Variants in TNR observed in about 807,000 individuals in gnomAD.
The protein encoded by TNR is tenascin-R.
Under a neutral mutation model 150.4 loss-of-function variants are expected in TNR, and 45 were observed. That is an observed-to-expected ratio of 0.30 (90% CI 0.24 to 0.38). The LOEUF is 0.38. TNR is among the 10% of genes least tolerant of loss of function. The probability of loss-of-function intolerance (pLI) is 1.00; values close to 1 mark genes in which losing one functional copy is unlikely to be tolerated. For missense variants in TNR, 1,544 were observed against 1,759.1 expected (o/e 0.88, Z 2.19); for synonymous variants, 687 against 678.4 (o/e 1.01, Z -0.20).
At chr1:175,531,662 G>A (rs1305479947) in intron 1 of TNR, among the ~76,000 whole-genome samples, 2 of 152,192 alleles carry the variant, frequency 1.3e-5, no homozygotes, top group African/African-American at 2.4e-5. Context: ...TTCTGTCCAC[G>A]CTGCAACCTA....
At chr1:175,652,575 T>G (rs1474798338) in intron 1 of TNR, among the ~76,000 whole-genome samples, 3 of 152,150 alleles carry the variant, frequency 2.0e-5, no homozygotes, top group Non-Finnish European at 4.4e-5. Flanking sequence ...ACTTCCCCCT[T>G]GCTGTTCTTG....
At chr1:175,353,624 G>A (rs1651168939) in intron 18 of TNR, among the ~76,000 whole-genome samples, 2 of 152,114 alleles carry the variant, frequency 1.3e-5, no homozygotes, top group South Asian at 4.1e-4. Flanking sequence ...AGGCCTTCCT[G>A]ACCAGTTGTT....
chr1:175,721,528 T>A (rs1252685692), intron 1 of TNR, among the ~76,000 whole-genome samples: 1 of 152,084 alleles, frequency 6.6e-6, no homozygotes, highest in Non-Finnish European at 1.5e-5. Context: ...CCTAACTGAC[T>A]CTCTTGAAAC....
intron 1 of TNR, among the ~76,000 whole-genome samples, chr1:175,699,240 GA>G (rs1327263495): frequency 6.6e-6 from 1 of 151,812 alleles, no homozygotes; most frequent in Non-Finnish European, 1.5e-5. Flanking sequence ...TTATGGAGAA[GA>G]AAAAAAATGG....
chr1:175,583,707 T>C (rs1185626113), intron 1 of TNR, among the ~76,000 whole-genome samples: 1 of 152,192 alleles, frequency 6.6e-6, no homozygotes, highest in Non-Finnish European at 1.5e-5. Flanking sequence ...CTTCCCCTCA[T>C]TCCTGTAGCA....
intron 21 of TNR, among the ~76,000 whole-genome samples, chr1:175,325,857 A>G (rs1342665149): frequency 2.8e-5 from 4 of 144,450 alleles, no homozygotes; most frequent in Admixed American, 2.1e-4. Flanking sequence ...ATCACACACC[A>G]GGGCCTGTTG....
chr1:175,409,350 A>C (rs543524834), intron 2 of TNR, among the ~76,000 whole-genome samples: 143 of 152,372 alleles, frequency 9.4e-4, no homozygotes, highest in Middle Eastern at 6.8e-3. Context: ...TAAGTGAATG[A>C]ATAAATGACA....
At chr1:175,695,953 G>GATGGATGC (rs1319183199) in intron 1 of TNR, among the ~76,000 whole-genome samples, 2 of 151,684 alleles carry the variant, frequency 1.3e-5, no homozygotes, top group African/African-American at 2.4e-5. Context: ...TGGATGGAAG[G>GATGGATGC]ATGGATGCAT....
At chr1:175,368,684 T>C (rs1651946968) in intron 9 of TNR, among the ~76,000 whole-genome samples, 1 of 152,236 alleles carries the variant, frequency 6.6e-6, no homozygotes, top group African/African-American at 2.4e-5. Flanking sequence ...GCACGGTGGC[T>C]CATGCCTGTA....
chr1:175,443,542 T>C (rs1011831300), intron 2 of TNR, among the ~76,000 whole-genome samples: 2 of 152,150 alleles, frequency 1.3e-5, no homozygotes, highest in East Asian at 1.9e-4. Context: ...TGAAGCAAGA[T>C]TGTAGTCTGG....
At chr1:175,628,585 G>A (rs967980376) in intron 1 of TNR, among the ~76,000 whole-genome samples, 1 of 151,898 alleles carries the variant, frequency 6.6e-6, no homozygotes, top group Non-Finnish European at 1.5e-5. Context: ...GCTCATATGA[G>A]CTCATTGGGT....
chr1:175,430,897 A>G (rs1655233901), intron 2 of TNR, among the ~76,000 whole-genome samples: 1 of 152,214 alleles, frequency 6.6e-6, no homozygotes, highest in Non-Finnish European at 1.5e-5. Flanking sequence ...GTAGTAAAAA[A>G]TATAATTTTC....
intron 2 of TNR, among the ~76,000 whole-genome samples, chr1:175,479,769 T>C (rs1571499173): frequency 6.6e-6 from 1 of 152,116 alleles, no homozygotes; most frequent in Non-Finnish European, 1.5e-5. Context: ...CCCTCTGATA[T>C]GCTTTGTGGC....
intron 1 of TNR, among the ~76,000 whole-genome samples, chr1:175,698,238 C>T (rs909002907): frequency 6.6e-6 from 1 of 152,128 alleles, no homozygotes; most frequent in African/African-American, 2.4e-5. Context: ...CACTCTGTGC[C>T]AAGTAAGGAG....
intron 1 of TNR, among the ~76,000 whole-genome samples, chr1:175,678,345 A>G (rs1012795615): frequency 3.3e-5 from 5 of 152,168 alleles, no homozygotes; most frequent in Admixed American, 1.3e-4. Context: ...CCCTGTACCC[A>G]CTGAATTCAC....
intron 2 of TNR, among the ~76,000 whole-genome samples, chr1:175,490,564 T>C (rs969613414): frequency 1.3e-5 from 2 of 152,096 alleles, no homozygotes; most frequent in African/African-American, 4.8e-5. Flanking sequence ...GCAAAAGACA[T>C]GAACAGACAC....
At chr1:175,344,076 G>A (rs748872040) in intron 18 of TNR, among the ~76,000 whole-genome samples, 20 of 152,174 alleles carry the variant, frequency 1.3e-4, no homozygotes, top group Admixed American at 2.0e-4. Context: ...TGGGCAAGTG[G>A]CTCAAGGGCC....
intron 2 of TNR, among the ~76,000 whole-genome samples, chr1:175,465,579 G>C (rs1039707261): frequency 1.3e-5 from 2 of 152,182 alleles, no homozygotes; most frequent in African/African-American, 4.8e-5. Context: ...CTCTTTCCAG[G>C]TTCTTAGGGT....
chr1:175,398,223 G>A (rs1399358206), intron 4 of TNR, among the ~76,000 whole-genome samples: 1 of 152,178 alleles, frequency 6.6e-6, no homozygotes, highest in Non-Finnish European at 1.5e-5. Context: ...AGAATCAGCA[G>A]CATATATATG....
Sources: allele counts gnomAD v4.1 joint callset (sites outside exome capture counted in the v4.1 genomes callset), GRCh38; gene constraint gnomAD v4.1.1; transcripts MANE v1.5; gene names NCBI Gene and HGNC (gene_info 2026-07-23, HGNC 2026-07-21).